MFN2: variants seen among roughly 807,000 people sequenced by gnomAD.
MFN2 encodes mitofusin 2.
In MFN2, 43 loss-of-function variants were observed where a neutral mutation model predicts 87.5. The observed-to-expected ratio is 0.49, with a 90% CI of 0.38 to 0.63. The LOEUF is 0.63. Ranked by LOEUF, MFN2 falls within the 30% of genes least tolerant of loss-of-function variation. The probability of loss-of-function intolerance (pLI) is 0.00; values close to 1 mark genes in which losing one functional copy is unlikely to be tolerated. For synonymous variants in MFN2, 337 were observed against 359.9 expected, an observed-to-expected ratio of 0.94 and a Z score of 0.72; for missense variants, 743 against 972.8, an observed-to-expected ratio of 0.76 and a Z score of 3.14.
At chr1:12,006,946 T>C (rs1235228849) in intron 16 of MFN2, 107 bp from the exon 17 acceptor site, 1 of 1,435,146 alleles carries the variant, frequency 7.0e-7, no homozygotes, top group East Asian at 2.3e-5. Context: ...AGTAGAAACA[T>C]GAAGGCTCCT....
intron 16 of MFN2, 76 bp downstream of exon 16, chr1:12,006,769 T>C: frequency 6.3e-7 from 1 of 1,597,516 alleles, no homozygotes; most frequent in Non-Finnish European, 8.6e-7. Context: ...GTTCCTGCTG[T>C]GGCCCCTGCA....
chr1:11,996,075 C>T, intron 4 of MFN2, 81 bp from the exon 5 acceptor site: 1 of 1,589,986 alleles, frequency 6.3e-7, no homozygotes, highest in Non-Finnish European at 8.6e-7. Context: ...GGGCTTTGGC[C>T]TTCCAGGCTG....
At chr1:11,998,073 G>A (rs560032317) in intron 6 of MFN2, among the ~76,000 whole-genome samples, 50 of 150,658 alleles carry the variant, frequency 3.3e-4, no homozygotes, top group East Asian at 1.2e-3. Flanking sequence ...TAGTAGAGAC[G>A]GGGTTTCACC....
Position 12,013,188 on chromosome 1 carries a change from CT to C in MFN2, c.*1628del. On this transcript the variant is annotated 3_prime_UTR_variant, in exon 19 of 19. Transcript: ENST00000235329. Reference sequence around the variant, plus strand: ...ACACAATTCCAATGGATTTTGTGCTCTTTTTGAAAAAAAAAAATTCTTTAGC... The same window carrying C: ...ACACAATTCCAATGGATTTTGTGCTCTTTTGAAAAAAAAAAATTCTTTAGC... 2.9e-6 allele frequency: 1 copy of C among 345,112 alleles called. No homozygotes were observed. The highest frequency in any genetic ancestry group is 2.2e-5 in the South Asian group (1 of 44,946). 21.4% of individuals were successfully genotyped at this position (345,112 alleles called of 1,614,324 possible).
At chr1:11,984,751 A>G (rs983081589) in intron 2 of MFN2, among the ~76,000 whole-genome samples, 2 of 152,224 alleles carry the variant, frequency 1.3e-5, no homozygotes, top group African/African-American at 2.4e-5. Flanking sequence ...TAAAAATCCA[A>G]GAGGACAGAG....
intron 2 of MFN2, among the ~76,000 whole-genome samples, chr1:11,987,315 A>G (rs1428761131): frequency 2.0e-5 from 3 of 151,470 alleles, no homozygotes; most frequent in Non-Finnish European, 1.5e-5. Context: ...CTGTCTCAAA[A>G]AAAAAAAAAA....
intron 3 of MFN2, among the ~76,000 whole-genome samples, chr1:11,990,118 TG>T (rs1419364039): frequency 2.0e-5 from 3 of 152,166 alleles, no homozygotes; most frequent in Admixed American, 2.0e-4. Flanking sequence ...AGAAGTTCAG[TG>T]GTGGTGCTTC....
chr1:11,990,825 G>A (rs558616648), intron 3 of MFN2, among the ~76,000 whole-genome samples: 1 of 152,206 alleles, frequency 6.6e-6, no homozygotes, highest in Non-Finnish European at 1.5e-5. Flanking sequence ...GCCCATATAA[G>A]GGAGGAATAT....
chr1:12,004,564 A>G lies in MFN2; in HGVS notation c.1343A>G (p.Tyr448Cys). 1 of 1,614,172 alleles carries G rather than the reference A, an allele frequency of 6.2e-7. No homozygotes were observed. ...CGCCTCTCTGTACTGGTGGACGATT[A>G]CCAGATGGACTTCCACCCTTCTCCA... is the stretch of plus-strand genomic sequence containing the variant. ...IRRLSVLVDD[Y>C]QMDFHPSPVV... Residue 448 changes from tyrosine to cysteine, a missense_variant, in exon 13 of 19, where the codon TAC becomes TGC. Coordinates refer to ENST00000235329, the MANE Select transcript of MFN2 (RefSeq NM_014874.4). This position sits in a 1 kb window ranked among gnomAD's most constrained non-coding sequence, Gnocchi z 4.2.
chr1:12,001,460 G>T lies in MFN2; in HGVS notation c.876G>T (p.Val292=), dbSNP rs758376405. The T allele has an allele frequency of 1.7e-5, 28 of 1,613,920 alleles. No homozygotes were observed. The highest frequency in any genetic ancestry group is 2.4e-5 in the Non-Finnish European group (28 of 1,179,984). The change falls in exon 9 of 19, where the codon GTG becomes GTT. Residue 292 remains valine (V), a synonymous_variant. Coordinates refer to ENST00000235329, the MANE Select transcript of MFN2 (RefSeq NM_014874.4). ...TCCTGGTGGATGAGCTGGGCGTGGT[G>T]GATCGATCCCAGGCCGGGGACCGCA... ...TSFLVDELGV[V]DRSQAGDRIF... is the part of the protein sequence containing the mutation.
intron 8 of MFN2, among the ~76,000 whole-genome samples, 200 bp from the exon 9 acceptor site, chr1:12,001,199 GAC>G (rs1017234356): frequency 1.3e-5 from 2 of 152,072 alleles, no homozygotes; most frequent in Non-Finnish European, 2.9e-5. Context: ...TTTTAGTAGA[GAC>G]AGGGTTTCAC....
intron 6 of MFN2, 75 bp from the exon 7 acceptor site, chr1:11,998,695 C>T (rs1639037804): frequency 2.2e-6 from 3 of 1,370,002 alleles, no homozygotes; most frequent in African/African-American, 2.9e-5. Flanking sequence ...CCTCACAAGT[C>T]CCAGGTCTGT....
intron 2 of MFN2, among the ~76,000 whole-genome samples, chr1:11,986,513 G>GGC (rs1443002157): frequency 6.6e-6 from 1 of 152,082 alleles, no homozygotes; most frequent in East Asian, 1.9e-4. Flanking sequence ...TGAGGGACCT[G>GGC]GCAGGGGTCC....
chr1:12,006,046 T>A lies in MFN2; in HGVS notation c.1716+115T>A, dbSNP rs966228561. The stretch of plus-strand genomic sequence containing the variant: ...CCTAAGGTCAGCAGCTGTGGTGGTG[T>A]GCCCCACCACACAGTACACCACAGA... On this transcript the variant is annotated intron_variant, in intron 15 of 18. Transcript: ENST00000235329. 5.3e-6 allele frequency: 5 copies of A among 934,892 alleles called. No homozygotes were observed. In the South Asian group the frequency reaches 6.9e-5, roughly 13 times the overall value. The allele number at this position is 934,892 out of a possible 1,614,324, so 57.9% of individuals were successfully genotyped here. A position where few individuals can be genotyped will look rare whatever the true frequency, so the allele number is the denominator to read the frequency against.
At chr1:11,987,014 G>T (rs140454125) in intron 2 of MFN2, among the ~76,000 whole-genome samples, 1 of 152,278 alleles carries the variant, frequency 6.6e-6, no homozygotes, top group Non-Finnish European at 1.5e-5. Flanking sequence ...CACAAAAATA[G>T]ACTGTGATAA....
At position 12,003,962 on chromosome 1, in the gene MFN2, A is replaced by G. The variant is rs1366601612; in HGVS notation, c.1161-30A>G. On this transcript the variant is annotated intron_variant, in intron 11 of 18. Coordinates refer to ENST00000235329, the MANE Select transcript of MFN2 (RefSeq NM_014874.4). The surrounding 1 kb of genome is among the most constrained non-coding windows in gnomAD (Gnocchi z 4.1). The stretch of plus-strand genomic sequence containing the variant: ...CTCCTCTGCTTAGTCAGACAGGAAC[A>G]TGGATTTCTCACCAGTACTCTGCTT... 1.4e-5 allele frequency: 22 copies of G among 1,614,082 alleles called. No individual in the cohort carries two copies. The highest frequency in any genetic ancestry group is 1.9e-5 in the Non-Finnish European group (22 of 1,179,960).
At position 11,989,237 on chromosome 1, in the gene MFN2, G is replaced by A; in HGVS notation, c.69G>A (p.Glu23=). The change falls in exon 3 of 19, where the codon GAG becomes GAA. Residue 23 remains glutamate, a synonymous_variant. Coordinates refer to ENST00000235329, the MANE Select transcript of MFN2 (RefSeq NM_014874.4). ...TVKKNKRHMA[E]VNASPLKHFV... ...AGAAAAATAAGAGACACATGGCTGA[G>A]GTGAATGCATCCCCACTTAAGCACT... The A allele has an allele frequency of 6.2e-7, 1 of 1,614,108 alleles. No homozygotes were observed. The highest frequency in any genetic ancestry group is 8.5e-7 in the Non-Finnish European group (1 of 1,180,026).
At chr1:12,008,520 C>T (rs1423360780) in intron 17 of MFN2, among the ~76,000 whole-genome samples, 4 of 152,062 alleles carry the variant, frequency 2.6e-5, no homozygotes, top group Non-Finnish European at 4.4e-5. Context: ...ACGCTTACTT[C>T]CCAGACGGGG....
intron 5 of MFN2, 108 bp downstream of exon 5, chr1:11,996,426 A>G (rs1270188117): frequency 2.3e-6 from 3 of 1,319,142 alleles, no homozygotes. Context: ...CACCCTGTGG[A>G]GGTGAATGGG....
Sources: allele counts gnomAD v4.1 joint callset (sites outside exome capture counted in the v4.1 genomes callset), GRCh38; gene constraint gnomAD v4.1.1; non-coding constraint Gnocchi (gnomAD v3.1); transcripts MANE v1.5; gene names NCBI Gene and HGNC (gene_info 2026-07-23, HGNC 2026-07-21).